ARHGEF28: variants seen among roughly 807,000 people sequenced by gnomAD.
ARHGEF28 encodes the protein Rho guanine nucleotide exchange factor 28.
Under a neutral mutation model 206.6 loss-of-function variants are expected in ARHGEF28, and 152 were observed. The ratio of observed to expected loss-of-function variants is 0.74; its 90% CI spans 0.64 to 0.84. ARHGEF28 has a LOEUF of 0.84. Ranked by LOEUF, ARHGEF28 falls within the 40% of genes least tolerant of loss-of-function variation. The probability of loss-of-function intolerance (pLI) is 0.00; values close to 1 mark genes in which losing one functional copy is unlikely to be tolerated. For missense variants in ARHGEF28, 2,028 were observed against 2,073.2 expected, an observed-to-expected ratio of 0.98 and a Z score of 0.42; for synonymous variants, 763 against 776.4, an observed-to-expected ratio of 0.98 and a Z score of 0.29.
chr5:73,813,122 C>T (rs1025918331), intron 9 of ARHGEF28, among the ~76,000 whole-genome samples: 2 of 152,230 alleles, frequency 1.3e-5, no homozygotes, highest in Non-Finnish European at 1.5e-5. Flanking sequence ...AACACGGCAC[C>T]GGGTAGCTCT....
At chr5:73,820,281 G>T (rs900926711) in intron 9 of ARHGEF28, among the ~76,000 whole-genome samples, 1 of 152,046 alleles carries the variant, frequency 6.6e-6, no homozygotes, top group Non-Finnish European at 1.5e-5. Context: ...GTGACTGATG[G>T]GTATCTTTAC....
chr5:73,869,391 A>G (rs1246795825), intron 20 of ARHGEF28, among the ~76,000 whole-genome samples: 2 of 152,190 alleles, frequency 1.3e-5, no homozygotes, highest in Admixed American at 1.3e-4. Context: ...AAACAGTACA[A>G]AATAACGCGG....
At chr5:73,773,731 A>G (rs571012529) in intron 4 of ARHGEF28, 124 bp from the exon 5 acceptor site, 370 of 997,166 alleles carry the variant, frequency 3.7e-4, no homozygotes, top group Non-Finnish European at 6.8e-5. Context: ...ATTGGGTGCC[A>G]TTGTTAATTT....
At chr5:73,811,196 CCTTGGT>C (rs2112518155) in intron 9 of ARHGEF28, among the ~76,000 whole-genome samples, 1 of 152,336 alleles carries the variant, frequency 6.6e-6, no homozygotes, top group Non-Finnish European at 1.5e-5. Flanking sequence ...GGTCCCCTTT[CCTTGGT>C]CTACAGACAA....
chr5:73,826,768 G>A (rs867772310), intron 9 of ARHGEF28, among the ~76,000 whole-genome samples: 2 of 152,132 alleles, frequency 1.3e-5, no homozygotes, highest in Admixed American at 6.5e-5. Flanking sequence ...TTCTATGGGT[G>A]GAATCTATTT....
At chr5:73,629,214 C>T (rs994080332) in intron 1 of ARHGEF28, among the ~76,000 whole-genome samples, 1 of 151,808 alleles carries the variant, frequency 6.6e-6, no homozygotes, top group Non-Finnish European at 1.5e-5. Flanking sequence ...TTTGGCTGGC[C>T]AGGGTGGGGG....
chr5:73,763,178 G>T (rs1345441566), intron 4 of ARHGEF28, among the ~76,000 whole-genome samples: 1 of 152,004 alleles, frequency 6.6e-6, no homozygotes, highest in Non-Finnish European at 1.5e-5. Context: ...CCTCCCTCCA[G>T]ATATGGCAGC....
intron 9 of ARHGEF28, among the ~76,000 whole-genome samples, chr5:73,824,877 AGAAT>A (rs1561432718): frequency 6.6e-6 from 1 of 152,200 alleles, no homozygotes; most frequent in African/African-American, 2.4e-5. Context: ...GTTGAAAAAA[AGAAT>A]GAATGAATGG....
chr5:73,932,451 G>A (rs1200267786), intron 35 of ARHGEF28, among the ~76,000 whole-genome samples: 2 of 151,976 alleles, frequency 1.3e-5, no homozygotes, highest in Admixed American at 1.3e-4. Context: ...AAGTGCCCAA[G>A]TTTACAAATA....
Position 73,684,805 on chromosome 5 carries a change from T to C in ARHGEF28, c.-11-36T>C, listed in dbSNP as rs768864237. 3 of 1,596,776 alleles carry C rather than the reference T, an allele frequency of 1.9e-6. No homozygotes were observed. In the South Asian group the frequency reaches 3.4e-5, roughly 18 times the overall value. On this transcript the variant is annotated intron_variant, in intron 1 of 35. Coordinates refer to ENST00000513042, the MANE Select transcript of ARHGEF28 (RefSeq NM_001177693.2). ...TGCTGGTCGGTTCCATGGGGCCTCCTGCAATAACTTCTCTTGTTTATTATT... is the reference window on the plus strand; with the variant it reads ...TGCTGGTCGGTTCCATGGGGCCTCCCGCAATAACTTCTCTTGTTTATTATT...
At chr5:73,628,028 A>T (rs544057853) in intron 1 of ARHGEF28, among the ~76,000 whole-genome samples, 9 of 152,224 alleles carry the variant, frequency 5.9e-5, no homozygotes, top group Non-Finnish European at 1.0e-4. Context: ...AAGAAGAAAA[A>T]TAGTAGTTAA....
At chr5:73,932,970 G>A (rs974448943) in intron 35 of ARHGEF28, among the ~76,000 whole-genome samples, 2 of 151,380 alleles carry the variant, frequency 1.3e-5, no homozygotes, top group African/African-American at 2.4e-5. Flanking sequence ...CACCATGCCC[G>A]GCTAATTTTT....
intron 27 of ARHGEF28, among the ~76,000 whole-genome samples, chr5:73,892,570 A>G (rs1317287458): frequency 1.3e-5 from 2 of 151,902 alleles, no homozygotes; most frequent in African/African-American, 4.8e-5. Context: ...CTTCTTATAT[A>G]CTGCCTTGTA....
chr5:73,813,779 A>G, intron 9 of ARHGEF28: 1 of 1,247,506 alleles, frequency 8.0e-7, no homozygotes, highest in South Asian at 1.4e-5. Flanking sequence ...GCGCGTGTTT[A>G]TACGTGCCTT....
chr5:73,920,545 GTTTTTTTTT>G (rs756699052), intron 35 of ARHGEF28, among the ~76,000 whole-genome samples: 1 of 110,540 alleles, frequency 9.0e-6, no homozygotes, highest in Middle Eastern at 5.6e-3. Context: ...CGTCATCTAG[GTTTTTTTTT>G]TTTTTTTTTT....
chr5:73,891,781 T>C (rs1377509610), intron 26 of ARHGEF28, among the ~76,000 whole-genome samples: 1 of 152,104 alleles, frequency 6.6e-6, no homozygotes, highest in Non-Finnish European at 1.5e-5. Flanking sequence ...TGCCTCGGCC[T>C]CCCAAAGTGC....
chr5:73,807,786 C>A (rs1755599691), intron 9 of ARHGEF28, among the ~76,000 whole-genome samples: 1 of 151,694 alleles, frequency 6.6e-6, no homozygotes, highest in South Asian at 2.1e-4. Context: ...ACGTCTGGCT[C>A]AACAATATAA....
chr5:73,656,724 TC>T, intron 1 of ARHGEF28, among the ~76,000 whole-genome samples: 1 of 152,272 alleles, frequency 6.6e-6, no homozygotes, highest in East Asian at 1.9e-4. Context: ...CTCAAATGGA[TC>T]CTCTGCATAC....
chr5:73,686,385 T>C (rs756447518), intron 2 of ARHGEF28, among the ~76,000 whole-genome samples: 1 of 152,172 alleles, frequency 6.6e-6, no homozygotes, highest in African/African-American at 2.4e-5. Flanking sequence ...CCTCCTCATG[T>C]AGCTATTTTG....
Sources: allele counts gnomAD v4.1 joint callset (sites outside exome capture counted in the v4.1 genomes callset), GRCh38; gene constraint gnomAD v4.1.1; transcripts MANE v1.5; gene names NCBI Gene and HGNC (gene_info 2026-07-23, HGNC 2026-07-21).